The following TEAD4 variants were observed in gnomAD, a reference collection of about 807,000 sequenced individuals.
TEAD4 encodes the protein TEA domain transcription factor 4, also known as transcriptional enhancer factor TEF-3.
Under a neutral mutation model 52.4 loss-of-function variants are expected in TEAD4, and 36 were observed. The ratio of observed to expected loss-of-function variants is 0.69; its 90% CI spans 0.53 to 0.91. The LOEUF (loss-of-function observed/expected upper bound fraction) is 0.91. TEAD4 is among the 40% of genes least tolerant of loss of function. TEAD4 has a pLI of 0.00. For synonymous variants in TEAD4, 220 were observed against 231.0 expected, an observed-to-expected ratio of 0.95 and a Z score of 0.43; for missense variants, 508 against 583.9, an observed-to-expected ratio of 0.87 and a Z score of 1.34.
chr12:3,038,191 A>G, intron 11 of TEAD4, 83 bp downstream of exon 11: 3 of 1,525,058 alleles, frequency 2.0e-6, no homozygotes, highest in Non-Finnish European at 2.7e-6. Context: ...TTCAGGAGGA[A>G]TGCCCTCCGT....
At chr12:3,013,205 G>A (rs1163059920) in intron 5 of TEAD4, among the ~76,000 whole-genome samples, 2 of 151,654 alleles carry the variant, frequency 1.3e-5, no homozygotes, top group African/African-American at 4.8e-5. Flanking sequence ...TCCTGCCTTG[G>A]CCTCTCAAAG....
chr12:3,020,820 C>T, intron 9 of TEAD4, 47 bp downstream of exon 9: 1 of 1,493,952 alleles, frequency 6.7e-7, no homozygotes, highest in Non-Finnish European at 8.9e-7. Context: ...ACCCCCTCTC[C>T]CTCTGTTTCT....
intron 2 of TEAD4, among the ~76,000 whole-genome samples, chr12:2,982,005 G>A (rs2098234411): frequency 6.6e-6 from 1 of 152,156 alleles, no homozygotes; most frequent in African/African-American, 2.4e-5. Flanking sequence ...GATCACAGTG[G>A]CTGCAGAAGG....
At chr12:2,977,422 C>T (rs2098230656) in intron 2 of TEAD4, among the ~76,000 whole-genome samples, 1 of 152,308 alleles carries the variant, frequency 6.6e-6, no homozygotes, top group Non-Finnish European at 1.5e-5. Context: ...TCTCCTTAGC[C>T]TGGGAAGGAT....
At chr12:2,995,556 C>A (rs573710150) in intron 3 of TEAD4, among the ~76,000 whole-genome samples, 1 of 152,200 alleles carries the variant, frequency 6.6e-6, no homozygotes, top group South Asian at 2.1e-4. Flanking sequence ...AAGGCCCCCC[C>A]CAACCCAGCA....
chr12:3,008,076 T>C (rs2098257330), intron 3 of TEAD4, among the ~76,000 whole-genome samples: 2 of 152,110 alleles, frequency 1.3e-5, no homozygotes, highest in South Asian at 4.2e-4. Flanking sequence ...AAAATCCCTA[T>C]TCGCATGGAC....
intron 3 of TEAD4, among the ~76,000 whole-genome samples, chr12:2,995,296 C>T (rs2098246228): frequency 6.6e-6 from 1 of 152,148 alleles, no homozygotes; most frequent in Non-Finnish European, 1.5e-5. Flanking sequence ...ACAAGCTGTA[C>T]CCCAGCAGGT....
intron 8 of TEAD4, among the ~76,000 whole-genome samples, chr12:3,019,465 G>A (rs1184993177): frequency 6.6e-6 from 1 of 152,208 alleles, no homozygotes; most frequent in African/African-American, 2.4e-5. Flanking sequence ...GTGCCCTGGC[G>A]GCTGCCCCAC....
intron 3 of TEAD4, among the ~76,000 whole-genome samples, chr12:3,010,197 G>C (rs1468433231): frequency 6.6e-6 from 1 of 152,244 alleles, no homozygotes; most frequent in Non-Finnish European, 1.5e-5. Flanking sequence ...ACACGTCCCT[G>C]TCCGTAGCAC....
At chr12:2,964,691 C>T (rs1012098496) in intron 2 of TEAD4, among the ~76,000 whole-genome samples, 10 of 149,040 alleles carry the variant, frequency 6.7e-5, no homozygotes, top group South Asian at 6.4e-4. Flanking sequence ...AGGCTGGTCT[C>T]GAACTCCCAA....
chr12:3,029,264 G>A (rs1001189007), intron 10 of TEAD4, among the ~76,000 whole-genome samples: 1 of 115,172 alleles, frequency 8.7e-6, no homozygotes, highest in African/African-American at 3.0e-5. Context: ...TTGAGATGAA[G>A]TCTCACTCTG....
At chr12:2,973,155 T>G (rs544439227) in intron 2 of TEAD4, among the ~76,000 whole-genome samples, 84 of 152,338 alleles carry the variant, frequency 5.5e-4, no homozygotes, top group African/African-American at 1.9e-3. Flanking sequence ...CACTGCAGCC[T>G]TGACCACCCA....
chr12:2,966,487 T>C (rs571968941), intron 2 of TEAD4, among the ~76,000 whole-genome samples: 1 of 151,806 alleles, frequency 6.6e-6, no homozygotes, highest in East Asian at 1.9e-4. Context: ...CTTGGCTCAC[T>C]GCAACCTCTG....
intron 10 of TEAD4, among the ~76,000 whole-genome samples, chr12:3,024,855 TC>T (rs1399189388): frequency 2.6e-5 from 4 of 152,020 alleles, no homozygotes; most frequent in Non-Finnish European, 5.9e-5. Flanking sequence ...CCCCAAATAT[TC>T]AAAACTGTTA....
intron 3 of TEAD4, among the ~76,000 whole-genome samples, chr12:3,005,100 T>G (rs1342185451): frequency 1.3e-5 from 2 of 151,990 alleles, no homozygotes; most frequent in African/African-American, 2.4e-5. Context: ...GTATGCCAAG[T>G]GAAATATACC....
intron 10 of TEAD4, among the ~76,000 whole-genome samples, chr12:3,032,068 G>A (rs2153958239): frequency 6.6e-6 from 1 of 152,338 alleles, no homozygotes; most frequent in African/African-American, 2.4e-5. Flanking sequence ...TGGGCTTCTT[G>A]GGCGTTCTCG....
intron 2 of TEAD4, among the ~76,000 whole-genome samples, chr12:2,988,878 GCGTA>G (rs929418950): frequency 1.3e-5 from 2 of 152,230 alleles, no homozygotes; most frequent in Non-Finnish European, 2.9e-5. Flanking sequence ...CTGAAGGGTG[GCGTA>G]CCCAGGAGAG....
Position 2,962,339 on chromosome 12 carries a change from T to TAA in TEAD4, c.-30+2300_-30+2301insAA, listed in dbSNP as rs2098216394. ...AAATATATATATAAATATAAATATA[T>TAA]ATATATATTTTTTGAGATGGAGTTT... On this transcript the variant is annotated intron_variant, in intron 2 of 12. Transcript: ENST00000359864. 8.0e-5 allele frequency among the ~76,000 whole-genome samples: 9 copies of TAA among 112,812 alleles called. No individual in the cohort carries two copies. In the South Asian group the frequency reaches 2.0e-3, roughly 25 times the overall value. The allele number at this position is 112,812 out of a possible 152,430, so 74.0% of individuals were successfully genotyped here. A position where few individuals can be genotyped will look rare whatever the true frequency, so the allele number is the denominator to read the frequency against.
At chr12:2,961,698 C>T (rs988325140) in intron 2 of TEAD4, among the ~76,000 whole-genome samples, 1 of 152,142 alleles carries the variant, frequency 6.6e-6, no homozygotes, top group Non-Finnish European at 1.5e-5. Context: ...CACCCAGCAG[C>T]ACAGTGCCTG....
Sources: gnomAD v4.1 joint callset for allele counts (sites outside exome capture counted in the v4.1 genomes callset) on GRCh38, gnomAD v4.1.1 for gene constraint, MANE v1.5 for transcripts, NCBI Gene and HGNC (gene_info 2026-07-23, HGNC 2026-07-21) for gene names.